Variants in WASF3 observed in about 807,000 individuals in gnomAD.
WASF3 encodes the protein WASP family member 3.
WASF3 carries 11 observed loss-of-function variants against 46.6 expected under a neutral mutation model. The ratio of observed to expected loss-of-function variants is 0.24; its 90% confidence interval spans 0.15 to 0.39. The LOEUF (loss-of-function observed/expected upper bound fraction) is 0.39, where lower values mean the gene tolerates loss of function less well. WASF3 is among the 10% of genes least tolerant of loss of function. The pLI is 1.00. For synonymous variants in WASF3, 242 were observed against 259.7 expected (o/e 0.93, Z 0.65); for missense variants, 576 against 669.8 (o/e 0.86, Z 1.55).
intron 1 of WASF3, among the ~76,000 whole-genome samples, chr13:26,590,405 C>T (rs1363203309): frequency 6.6e-6 from 1 of 151,948 alleles, no homozygotes; most frequent in Non-Finnish European, 1.5e-5. Context: ...AAAAAAGAAA[C>T]CCGAAAGAAG....
chr13:26,654,659 G>T (rs1043504749), intron 3 of WASF3, among the ~76,000 whole-genome samples: 2 of 152,172 alleles, frequency 1.3e-5, no homozygotes, highest in African/African-American at 4.8e-5. Context: ...TTGTAAAGAA[G>T]TATTTTAAAA....
At chr13:26,568,956 T>C (rs1306846159) in intron 1 of WASF3, among the ~76,000 whole-genome samples, 1 of 152,136 alleles carries the variant, frequency 6.6e-6, no homozygotes, top group East Asian at 1.9e-4. Flanking sequence ...CAATTAAACT[T>C]TGGAGGATGT....
chr13:26,591,484 A>G (rs1880292260), intron 1 of WASF3, among the ~76,000 whole-genome samples: 1 of 152,062 alleles, frequency 6.6e-6, no homozygotes. Context: ...GGTGGATCTG[A>G]CAGTGAGGGA....
intron 5 of WASF3, among the ~76,000 whole-genome samples, chr13:26,669,855 A>G (rs1870358977): frequency 6.6e-6 from 1 of 152,186 alleles, no homozygotes; most frequent in South Asian, 2.1e-4. Flanking sequence ...TATAGGAAAC[A>G]ACAGATGCTG....
chr13:26,631,253 A>G (rs547161140), intron 2 of WASF3, among the ~76,000 whole-genome samples: 15 of 152,278 alleles, frequency 9.9e-5, no homozygotes, highest in South Asian at 4.1e-4. Flanking sequence ...GCCCATGCCT[A>G]TGTCCTGAAT....
At chr13:26,586,877 A>T (rs1276502847) in intron 1 of WASF3, among the ~76,000 whole-genome samples, 1 of 152,034 alleles carries the variant, frequency 6.6e-6, no homozygotes, top group African/African-American at 2.4e-5. Context: ...TCATCACTAA[A>T]TAGAGCTATT....
intron 3 of WASF3, among the ~76,000 whole-genome samples, chr13:26,643,083 G>A (rs1396077737): frequency 6.6e-6 from 1 of 152,116 alleles, no homozygotes; most frequent in African/African-American, 2.4e-5. Flanking sequence ...AATATCTGAA[G>A]AATATTTTAT....
At chr13:26,667,802 C>G (rs1157398712) in intron 5 of WASF3, 132 bp downstream of exon 5, 1 of 823,388 alleles carries the variant, frequency 1.2e-6, no homozygotes, top group Non-Finnish European at 1.8e-6. Context: ...TTGCTTCAAA[C>G]TTTGAAAATA....
chr13:26,606,654 C>G (rs922993108), intron 1 of WASF3: 3 of 151,944 alleles, frequency 2.0e-5, no homozygotes, highest in Non-Finnish European at 2.9e-5. Context: ...ACTGCCCTGG[C>G]CCTTTGACTA....
At chr13:26,613,531 A>AGGCCG (rs1881041413) in intron 2 of WASF3, among the ~76,000 whole-genome samples, 1 of 152,182 alleles carries the variant, frequency 6.6e-6, no homozygotes, top group Non-Finnish European at 1.5e-5. Flanking sequence ...GCATTTTGGG[A>AGGCCG]GGCCGAGGTG....
intron 7 of WASF3, among the ~76,000 whole-genome samples, chr13:26,677,786 T>C (rs1368844860): frequency 1.3e-5 from 2 of 152,252 alleles, no homozygotes; most frequent in African/African-American, 4.8e-5. Context: ...ACAGTTCTGC[T>C]CATAGTTCTT....
At chr13:26,627,177 T>C (rs1368877823) in intron 2 of WASF3, among the ~76,000 whole-genome samples, 1 of 152,182 alleles carries the variant, frequency 6.6e-6, no homozygotes, top group Non-Finnish European at 1.5e-5. Context: ...ATTAATTGCA[T>C]GAGAAATAAA....
intron 1 of WASF3, among the ~76,000 whole-genome samples, chr13:26,576,404 G>A (rs9553863): frequency 5.3e-5 from 8 of 152,090 alleles, no homozygotes; most frequent in Middle Eastern, 3.4e-3. Flanking sequence ...ATAAATTTGA[G>A]AATTGTTGCA....
chr13:26,683,752 G>A (rs1245990127), intron 9 of WASF3, among the ~76,000 whole-genome samples: 3 of 152,038 alleles, frequency 2.0e-5, no homozygotes, highest in Non-Finnish European at 4.4e-5. Context: ...TGAAAGTCCC[G>A]CGTTGACCCC....
intron 1 of WASF3, among the ~76,000 whole-genome samples, chr13:26,594,817 G>A (rs1880411923): frequency 2.2e-5 from 1 of 45,842 alleles, no homozygotes; most frequent in African/African-American, 7.6e-5. Flanking sequence ...ACCTTTTGGA[G>A]CTCCACATTG....
At chr13:26,674,902 A>G (rs1175324757) in intron 6 of WASF3, among the ~76,000 whole-genome samples, 3 of 152,164 alleles carry the variant, frequency 2.0e-5, no homozygotes, top group Non-Finnish European at 4.4e-5. Context: ...CCTGGATATT[A>G]CTTTCTTTTG....
intron 4 of WASF3, 22 bp from the exon 5 acceptor site, chr13:26,667,495 T>G (rs1882807048): frequency 6.3e-7 from 1 of 1,597,922 alleles, no homozygotes; most frequent in African/African-American, 1.3e-5. Flanking sequence ...ATAACTCAAC[T>G]TGGGGGATTT....
intron 7 of WASF3, among the ~76,000 whole-genome samples, chr13:26,678,371 C>T (rs540965617): frequency 6.6e-6 from 1 of 152,002 alleles, no homozygotes; most frequent in East Asian, 1.9e-4. Context: ...ATAGTTTCAC[C>T]ATGCAGAGAA....
intron 2 of WASF3, chr13:26,639,692 A>G (rs1226423961): frequency 6.6e-6 from 1 of 152,176 alleles, no homozygotes; most frequent in Non-Finnish European, 1.5e-5. Context: ...TTTATAGAAA[A>G]TGTGAGGTAT....
Sources: allele counts gnomAD v4.1 joint callset (sites outside exome capture counted in the v4.1 genomes callset), GRCh38; gene constraint gnomAD v4.1.1; transcripts MANE v1.5; gene names NCBI Gene and HGNC (gene_info 2026-07-23, HGNC 2026-07-21).